The following HMG20B variants were observed in gnomAD, a reference collection of about 807,000 sequenced individuals.
The protein encoded by HMG20B is high mobility group 20B.
A neutral mutation model predicts 41.6 loss-of-function variants in HMG20B; 24 were observed. That is an observed-to-expected ratio of 0.58 (90% CI 0.42 to 0.81). HMG20B has a LOEUF of 0.81. HMG20B is among the 30% of genes least tolerant of loss of function. The probability of loss-of-function intolerance (pLI) is 0.00; values close to 1 mark genes in which losing one functional copy is unlikely to be tolerated. For synonymous variants in HMG20B, 251 were observed against 186.6 expected (o/e 1.34, Z -2.81); for missense variants, 461 against 444.0 (o/e 1.04, Z -0.34).
intron 8 of HMG20B, 144 bp from the exon 9 acceptor site, chr19:3,577,837 A>G: frequency 1.4e-6 from 1 of 712,846 alleles, no homozygotes; most frequent in Non-Finnish European, 2.2e-6. Flanking sequence ...ACCTTAGCCC[A>G]CCCTGCGCCG....
rs2032229794 is a variant in HMG20B, at chr19:3,578,743, A to G, written c.*222A>G. The G allele has an allele frequency of 1.3e-6, 1 of 767,036 alleles. No individual in the cohort carries two copies. The highest frequency in any genetic ancestry group is 2.3e-6 in the Non-Finnish European group (1 of 430,880). The allele number at this position is 767,036 out of a possible 1,614,324, so 47.5% of individuals were successfully genotyped here. ...AAAGCACTCGCTGCGCGATACACCC[A>G]GAAGAACCTCACAGCCGAGGGTGCC... On this transcript the variant is annotated 3_prime_UTR_variant, in exon 10 of 10. Coordinates refer to ENST00000333651, the MANE Select transcript of HMG20B (RefSeq NM_006339.3).
In HMG20B at chr19:3,573,733, T is replaced by G. The variant is rs1311931050; in HGVS notation, c.80T>G (p.Val27Gly). 6.5e-7 allele frequency: 1 copy of G among 1,535,558 alleles called. No individual in the cohort carries two copies. Among genetic ancestry groups the G allele is most frequent in the East Asian group, 2.4e-5 (1 of 41,470 alleles). Reference protein sequence around the residue: ...GKAPGQHGGFVVTVKQERGEG... With the variant: ...GKAPGQHGGFGVTVKQERGEG... ...GCTCCGGGCCAGCATGGGGGCTTCG[T>G]GGTGACTGTCAAGCAAGAGCGCGGC... Residue 27 changes from valine (V) to glycine (G), a missense_variant, in exon 3 of 10, where the codon GTG becomes GGG. Transcript: ENST00000333651.
chr19:3,574,308 G>C, intron 3 of HMG20B, 75 bp from the exon 4 acceptor site: 4 of 1,278,622 alleles, frequency 3.1e-6, no homozygotes, highest in Non-Finnish European at 3.3e-6. Context: ...TACGCGTTAG[G>C]CCCCGCCCAT....
In HMG20B at chr19:3,578,536, C is replaced by T; in HGVS notation, c.*15C>T. On this transcript the variant is annotated 3_prime_UTR_variant, in exon 10 of 10. Transcript: ENST00000333651. ...AGCACCTGTGAGGAGTGGGCGGGCC[C>T]ACGATGCAGAGGAGAAGCTGTGGGC... 6.4e-7 allele frequency: 1 copy of T among 1,570,062 alleles called. No individual in the cohort carries two copies. Among genetic ancestry groups the T allele is most frequent in the South Asian group, 1.2e-5 (1 of 85,454 alleles).
chr19:3,573,772 C>T lies in HMG20B; in HGVS notation c.119C>T (p.Ala40Val), dbSNP rs755167159. Residue 40 changes from alanine (A) to valine (V), a missense_variant, in exon 3 of 10, where the codon GCG becomes GTG. By Grantham distance (64) the Ala-to-Val change is moderately conservative. Around this residue, in one of 3 missense-constraint regions of HMG20B, gnomAD observed 104 missense variants for 76.5 expected, o/e 1.36. Coordinates refer to ENST00000333651, the MANE Select transcript of HMG20B (RefSeq NM_006339.3). ...VKQERGEGPR[A>V]GEKGSHEEEP... ...CAAGAGCGCGGCGAGGGTCCACGCG[C>T]GGGCGAGAAGGGGTCCCACGAGGAG... 3 of 1,568,742 alleles carry T rather than the reference C, an allele frequency of 1.9e-6. No homozygotes were observed. Among genetic ancestry groups the T allele is most frequent in the East Asian group, 4.7e-5 (2 of 42,672 alleles).
At chr19:3,577,180 TC>T (rs2032185555) in intron 8 of HMG20B, 73 bp downstream of exon 8, 6 of 917,128 alleles carry the variant, frequency 6.5e-6, no homozygotes, top group Non-Finnish European at 8.4e-6. Flanking sequence ...CCTCCTCCCT[TC>T]CCCCCTTCCC....
chr19:3,578,037 G>A lies in HMG20B; in HGVS notation c.865G>A (p.Gly289Arg), dbSNP rs765332945. ...TLDFYMARLHGAIERDPAQHE... is the reference protein window; with the variant it reads ...TLDFYMARLHRAIERDPAQHE... ...GGACTTCTACATGGCCCGGCTTCAC[G>A]GAGCCATCGAGCGCGACCCCGCCCA... Residue 289 changes from glycine to arginine, a missense_variant, in exon 9 of 10, where the codon GGA becomes AGA. This residue lies in a region of HMG20B where 308 missense variants were observed against 283.4 expected (regional missense o/e 1.09). Coordinates refer to ENST00000333651, the MANE Select transcript of HMG20B (RefSeq NM_006339.3). The A allele has an allele frequency of 1.9e-6, 3 of 1,609,890 alleles. No homozygotes were observed. Among genetic ancestry groups the A allele is most frequent in the East Asian group, 2.2e-5 (1 of 44,822 alleles).
chr19:3,576,203 C>A, intron 5 of HMG20B, 58 bp from the exon 6 acceptor site: 1 of 1,514,118 alleles, frequency 6.6e-7, no homozygotes, highest in Non-Finnish European at 9.2e-7. Flanking sequence ...ACCTAGGGTG[C>A]AGGGCGTGGT....
chr19:3,573,360 A>G lies in HMG20B; in HGVS notation c.38+13A>G, dbSNP rs1330377958. 5 of 1,528,380 alleles carry G rather than the reference A, an allele frequency of 3.3e-6. No homozygotes were observed. The South Asian group carries it at 6.0e-5, about 18-fold the overall frequency. 94.7% of individuals were successfully genotyped at this position (1,528,380 alleles called of 1,614,324 possible). A position where few individuals can be genotyped will look rare whatever the true frequency, so the allele number is the denominator to read the frequency against. On this transcript the variant is annotated intron_variant, in intron 2 of 9. Transcript: ENST00000333651. ...GCGCGGCCGCCGCGTGAGTGCACTG[A>G]TCCCCTCCCCACGCCCTCGCTACTT...
rs1491107969 is a variant in HMG20B at position 3,575,942 on chromosome 19, TCA to T, written c.472+283_472+284del. 175 of 275,772 alleles carry T rather than the reference TCA, an allele frequency of 6.3e-4. No homozygotes were observed. The African/African-American group carries it at 6.6e-3, about 10-fold the overall frequency. 17.1% of individuals were successfully genotyped at this position (275,772 alleles called of 1,614,324 possible). Reference sequence around the variant, plus strand: ...CAGGGCGACAGGGCGAGACTCCGTCTCAAAAAAAAAAAAAAAAGAAAAAGAAA... The same window carrying T: ...CAGGGCGACAGGGCGAGACTCCGTCTAAAAAAAAAAAAAAAGAAAAAGAAA... On this transcript the variant is annotated intron_variant, in intron 5 of 9. Transcript: ENST00000333651.
In HMG20B at chr19:3,578,844, C is replaced by A. The variant is rs749564107; in HGVS notation, c.*323C>A. On this transcript the variant is annotated 3_prime_UTR_variant, in exon 10 of 10. Coordinates refer to ENST00000333651, the MANE Select transcript of HMG20B (RefSeq NM_006339.3). Reference sequence around the variant, plus strand: ...GGACACAGGGCAGACGAAACCCACCCCCAGCACACGGCAGGACCCCCCAAA... The same window carrying A: ...GGACACAGGGCAGACGAAACCCACCACCAGCACACGGCAGGACCCCCCAAA... 1 of 640,706 alleles carries A rather than the reference C, an allele frequency of 1.6e-6. No homozygotes were observed. The highest frequency in any genetic ancestry group is 2.9e-6 in the Non-Finnish European group (1 of 344,122). 39.7% of individuals were successfully genotyped at this position (640,706 alleles called of 1,614,324 possible). A position where few individuals can be genotyped will look rare whatever the true frequency, so the allele number is the denominator to read the frequency against.
chr19:3,578,295 C>G lies in HMG20B; in HGVS notation c.941+182C>G, dbSNP rs757449514. ...AGTGCTAGGATGGCCATGGAGAACCCCGGGCCGGCGGGACCCACTCGGGGG... is the reference window on the plus strand; with the variant it reads ...AGTGCTAGGATGGCCATGGAGAACCGCGGGCCGGCGGGACCCACTCGGGGG... On this transcript the variant is annotated intron_variant, in intron 9 of 9. Coordinates refer to ENST00000333651, the MANE Select transcript of HMG20B (RefSeq NM_006339.3). The G allele has an allele frequency of 4.4e-6, 5 of 1,144,780 alleles. No homozygotes were observed. In the South Asian group the frequency reaches 8.1e-5, roughly 19 times the overall value. 70.9% of individuals were successfully genotyped at this position (1,144,780 alleles called of 1,614,324 possible).
rs756766093 is a variant in HMG20B, at chr19:3,578,060, C to G, written c.888C>G (p.Ala296=). The change falls in exon 9 of 10, where the codon GCC becomes GCG. Residue 296 remains alanine (A), a synonymous_variant. Coordinates refer to ENST00000333651, the MANE Select transcript of HMG20B (RefSeq NM_006339.3). ...ACGGAGCCATCGAGCGCGACCCCGC[C>G]CAGCACGAGAAGCTCATCGTCCGCA... ...RLHGAIERDP[A]QHEKLIVRIK... 3.7e-6 allele frequency: 6 copies of G among 1,611,258 alleles called. No homozygotes were observed. In the Admixed American group the frequency reaches 1.0e-4, roughly 27 times the overall value.
chr19:3,574,240 T>C (rs1007661566), intron 3 of HMG20B, 143 bp from the exon 4 acceptor site: 8 of 746,320 alleles, frequency 1.1e-5, no homozygotes, highest in Non-Finnish European at 1.8e-5. Context: ...GACCGGGCCC[T>C]ACCTCCATCT....
intron 9 of HMG20B, 139 bp downstream of exon 9, chr19:3,578,252 G>T (rs749495182): frequency 1.5e-6 from 2 of 1,290,360 alleles, no homozygotes; most frequent in Non-Finnish European, 2.1e-6. Flanking sequence ...GCCTACCTGC[G>T]GTCGCCCCTG....
chr19:3,574,824 T>C (rs1274705373), intron 4 of HMG20B, among the ~76,000 whole-genome samples: 1 of 151,820 alleles, frequency 6.6e-6, no homozygotes, highest in East Asian at 1.9e-4. Context: ...CTTCAAGCAA[T>C]TCTCCTGTCT....
chr19:3,574,714 A>C, intron 4 of HMG20B, 128 bp downstream of exon 4: 22 of 710,558 alleles, frequency 3.1e-5, no homozygotes, highest in Non-Finnish European at 3.7e-5. Context: ...CCCATAACCA[A>C]CTTTTTTTTT....
chr19:3,577,186 CT>C, intron 8 of HMG20B, 79 bp downstream of exon 8: 1 of 1,081,520 alleles, frequency 9.2e-7, no homozygotes. Flanking sequence ...CCCTTCCCCC[CT>C]TCCCCTGTCG....
intron 3 of HMG20B, 106 bp downstream of exon 3, chr19:3,573,906 A>G: frequency 9.2e-7 from 1 of 1,084,960 alleles, no homozygotes; most frequent in Non-Finnish European, 1.4e-6. Flanking sequence ...CCCACAGCCC[A>G]TTTTCCTCTG....
Sources: gnomAD v4.1 joint callset for allele counts (sites outside exome capture counted in the v4.1 genomes callset) on GRCh38, gnomAD v4.1.1 for gene constraint, gnomAD v4.1.1 regional missense constraint, MANE v1.5 for transcripts, NCBI Gene and HGNC (gene_info 2026-07-23, HGNC 2026-07-21) for gene names.